RORA: variants seen among roughly 807,000 people sequenced by gnomAD.
RORA encodes the protein nuclear receptor ROR-alpha.
RORA carries 7 observed loss-of-function variants against 69.5 expected under a neutral mutation model. That is an observed-to-expected ratio of 0.10 (90% CI 0.06 to 0.19). The LOEUF (loss-of-function observed/expected upper bound fraction) is 0.19. Among genes scored for constraint, RORA ranks in the 10% least tolerant of loss-of-function variants. The pLI is 1.00. For missense variants in RORA, 457 were observed against 663.0 expected (o/e 0.69, Z 3.41); for synonymous variants, 261 against 240.8 (o/e 1.08, Z -0.78).
chr15:60,990,221 G>A (rs1054380057), intron 1 of RORA, among the ~76,000 whole-genome samples: 1 of 152,182 alleles, frequency 6.6e-6, no homozygotes, highest in Non-Finnish European at 1.5e-5. Context: ...GGCTTAATGA[G>A]ATAATAAATG....
chr15:61,211,199 T>C (rs2079988050), intron 1 of RORA, among the ~76,000 whole-genome samples: 1 of 151,858 alleles, frequency 6.6e-6, no homozygotes, highest in African/African-American at 2.4e-5. Context: ...GGGGACTGTT[T>C]GGCCACCAAC....
chr15:61,112,072 AGT>A (rs1333410817), intron 1 of RORA, among the ~76,000 whole-genome samples: 6 of 152,158 alleles, frequency 3.9e-5, no homozygotes, highest in African/African-American at 1.4e-4. Flanking sequence ...CACTATTCAA[AGT>A]GTGCTCCACG....
chr15:60,566,000 A>ACAGAGGTATTAT (rs2067702511), intron 2 of RORA, among the ~76,000 whole-genome samples: 1 of 152,256 alleles, frequency 6.6e-6, no homozygotes, highest in South Asian at 2.1e-4. Context: ...CAAAGTTAAT[A>ACAGAGGTATTAT]ACAGAGACCT....
Position 60,873,225 on chromosome 15 carries a change from G to A in RORA, c.167-194539C>T, listed in dbSNP as rs1039292157. Among the ~76,000 whole-genome samples, 8 of 136,492 alleles carry A rather than the reference G, an allele frequency of 5.9e-5. 1 individual carries two copies. The East Asian group carries it at 1.7e-3, about 29-fold the overall frequency. 89.5% of individuals were successfully genotyped at this position (136,492 alleles called of 152,430 possible). On this transcript the variant is annotated intron_variant, in intron 1 of 10. Coordinates refer to ENST00000335670, the MANE Select transcript of RORA (RefSeq NM_134261.3). The stretch of plus-strand genomic sequence containing the variant: ...TTGTGGTCTTCTATGGGTAAAGGTC[G>A]TGTGTGTGTGTGTGTGTGTGTGTCT...
At chr15:60,967,818 C>T (rs1173121179) in intron 1 of RORA, among the ~76,000 whole-genome samples, 3 of 152,252 alleles carry the variant, frequency 2.0e-5, no homozygotes, top group South Asian at 2.1e-4. Flanking sequence ...AAAGCCCAGC[C>T]GCTCACAGGC....
chr15:61,038,683 C>T (rs982098405), intron 1 of RORA: 1 of 152,248 alleles, frequency 6.6e-6, no homozygotes, highest in African/African-American at 2.4e-5. Flanking sequence ...AGGCAATAAA[C>T]AGTCCAATCA....
chr15:61,169,768 C>T (rs1042287085), intron 1 of RORA, among the ~76,000 whole-genome samples: 2 of 125,556 alleles, frequency 1.6e-5, no homozygotes, highest in Non-Finnish European at 3.8e-5. Context: ...TCCTTACAAA[C>T]GGCCTCAGAA....
intron 2 of RORA, among the ~76,000 whole-genome samples, chr15:60,551,539 G>A (rs976579518): frequency 6.6e-6 from 1 of 152,076 alleles, no homozygotes; most frequent in Non-Finnish European, 1.5e-5. Context: ...CTGTCCTCAG[G>A]AATGAAAGTT....
At chr15:61,134,874 G>A (rs927039061) in intron 1 of RORA, among the ~76,000 whole-genome samples, 12 of 152,028 alleles carry the variant, frequency 7.9e-5, no homozygotes, top group African/African-American at 2.9e-4. Context: ...ACTTACTACC[G>A]CCTATAGAAT....
At chr15:60,623,561 A>G (rs541225628) in intron 2 of RORA, among the ~76,000 whole-genome samples, 97 of 152,308 alleles carry the variant, frequency 6.4e-4, no homozygotes, top group African/African-American at 2.3e-3. Context: ...TTAACAGACA[A>G]GGGAACTAAG....
At chr15:61,184,909 C>T (rs1002047036) in intron 1 of RORA, among the ~76,000 whole-genome samples, 4 of 143,372 alleles carry the variant, frequency 2.8e-5, no homozygotes, top group African/African-American at 1.0e-4. Context: ...ACCTCGAGCT[C>T]AGCAGTTCAA....
intron 2 of RORA, among the ~76,000 whole-genome samples, chr15:60,565,242 T>C (rs977758037): frequency 1.3e-5 from 2 of 152,206 alleles, no homozygotes; most frequent in Non-Finnish European, 2.9e-5. Context: ...TCTTTTTACA[T>C]TTTTTGGTTT....
At chr15:60,627,321 C>G in intron 2 of RORA, 4 of 1,614,122 alleles carry the variant, frequency 2.5e-6, no homozygotes, top group Non-Finnish European at 2.5e-6. Context: ...TGATTGACCA[C>G]GGCACTCTTG....
rs2065474675 is a variant in RORA at position 60,505,620 on chromosome 15, G to A, written c.830C>T (p.Ala277Val). 2 of 1,613,820 alleles carry A rather than the reference G, an allele frequency of 1.2e-6. No homozygotes were observed. Among genetic ancestry groups the A allele is most frequent in the South Asian group, 2.2e-5 (2 of 91,064 alleles). The change falls in exon 6 of 11, where the codon GCA (alanine) becomes GTA (valine). Residue 277 changes from alanine (A) to valine (V), a missense_variant. By Grantham distance (64) the Ala-to-Val change is moderately conservative. Transcript: ENST00000335670. Reference protein sequence around the residue: ...TVSMAELEHLAQNISKSHLET... With the variant: ...TVSMAELEHLVQNISKSHLET... ...CAGATGCGATTTAGATATATTCTGT[G>A]CAAGGTGTTCTAAGGAGAAAACGGG...
At chr15:60,881,439 A>T (rs539882013) in intron 1 of RORA, among the ~76,000 whole-genome samples, 68 of 152,382 alleles carry the variant, frequency 4.5e-4, no homozygotes, top group African/African-American at 1.5e-3. Flanking sequence ...TCTACTCTAC[A>T]TTGGATGAAA....
intron 1 of RORA, among the ~76,000 whole-genome samples, chr15:61,121,563 G>A (rs546409464): frequency 1.7e-4 from 26 of 152,194 alleles, no homozygotes; most frequent in African/African-American, 6.3e-4. Context: ...TCAGCAATTC[G>A]TTTCAGCTTC....
chr15:60,990,375 A>G (rs566212929), intron 1 of RORA, among the ~76,000 whole-genome samples: 1 of 152,184 alleles, frequency 6.6e-6, no homozygotes, highest in African/African-American at 2.4e-5. Flanking sequence ...CAGCAACTCA[A>G]TTATTAAGAA....
At chr15:61,093,259 T>C (rs2078735753) in intron 1 of RORA, among the ~76,000 whole-genome samples, 1 of 152,252 alleles carries the variant, frequency 6.6e-6, no homozygotes, top group African/African-American at 2.4e-5. Flanking sequence ...CTTCCTTTCC[T>C]ATTACTGTGT....
At chr15:60,558,017 G>A (rs1415346754) in intron 2 of RORA, 6 of 377,872 alleles carry the variant, frequency 1.6e-5, no homozygotes, top group Admixed American at 4.5e-5. Context: ...AATTTGGAGA[G>A]CAGGATGTTT....
Sources: gnomAD v4.1 joint callset for allele counts (sites outside exome capture counted in the v4.1 genomes callset) on GRCh38, gnomAD v4.1.1 for gene constraint, MANE v1.5 for transcripts, NCBI Gene and HGNC (gene_info 2026-07-23, HGNC 2026-07-21) for gene names.